ABI2: variants seen among roughly 807,000 people sequenced by gnomAD.
The protein encoded by ABI2 is abelson interactor 2.
A neutral mutation model predicts 59.2 loss-of-function variants in ABI2; 25 were observed. The observed-to-expected ratio is 0.42, with a 90% CI of 0.31 to 0.59. The LOEUF is 0.59. Ranked by LOEUF, ABI2 falls within the 20% of genes least tolerant of loss-of-function variation. The pLI, the probability that ABI2 is intolerant of heterozygous loss-of-function variation, is 0.14. For synonymous variants in ABI2, 213 were observed against 235.5 expected, an observed-to-expected ratio of 0.90 and a Z score of 0.87; for missense variants, 545 against 681.8, an observed-to-expected ratio of 0.80 and a Z score of 2.23.
chr2:203,416,413 G>A (rs1165981179), intron 10 of ABI2, among the ~76,000 whole-genome samples: 2 of 151,848 alleles, frequency 1.3e-5, no homozygotes, highest in Admixed American at 6.6e-5. Context: ...CTTGTGCCTT[G>A]GCCTCCTGAG....
At position 203,360,270 on chromosome 2, in the gene ABI2, T is replaced by A. The variant is rs1669450437; in HGVS notation, c.118-6607T>A. On this transcript the variant is annotated intron_variant, in intron 1 of 11. Coordinates refer to ENST00000261018, the MANE Select transcript of ABI2 (RefSeq NM_001375670.1). Reference sequence around the variant, plus strand: ...ATGTGGTCTATTTTATTTTAGGATTTAAAAAAACACTTTAAAATAATTTAA... The same window carrying A: ...ATGTGGTCTATTTTATTTTAGGATTAAAAAAAACACTTTAAAATAATTTAA... 2.6e-5 allele frequency among the ~76,000 whole-genome samples: 4 copies of A among 152,040 alleles called. No individual in the cohort carries two copies. The South Asian group carries it at 8.3e-4, about 32-fold the overall frequency.
chr2:203,365,344 A>T (rs2094260730), intron 1 of ABI2, among the ~76,000 whole-genome samples: 1 of 152,166 alleles, frequency 6.6e-6, no homozygotes, highest in African/African-American at 2.4e-5. Context: ...TACTGCATTA[A>T]TGTACTATAT....
At chr2:203,385,411 G>A (rs908534958) in intron 4 of ABI2, among the ~76,000 whole-genome samples, 1 of 152,042 alleles carries the variant, frequency 6.6e-6, no homozygotes, top group African/African-American at 2.4e-5. Context: ...GATTACAGGC[G>A]TGAGCCACCG....
chr2:203,427,558 C>A lies in ABI2; in HGVS notation c.*206C>A. 2.0e-6 allele frequency: 1 copy of A among 491,694 alleles called. No individual in the cohort carries two copies. Among genetic ancestry groups the A allele is most frequent in the Non-Finnish European group, 3.6e-6 (1 of 277,422 alleles). 30.5% of individuals were successfully genotyped at this position (491,694 alleles called of 1,614,324 possible). The stretch of plus-strand genomic sequence containing the variant: ...TCTTTCTGCCATCATTTGTACAATG[C>A]TGAGCTGTCTGGATTGAAATAAAAT... On this transcript the variant is annotated 3_prime_UTR_variant, in exon 12 of 12. Transcript: ENST00000261018.
chr2:203,363,082 C>T (rs968968577), intron 1 of ABI2, among the ~76,000 whole-genome samples: 2 of 152,108 alleles, frequency 1.3e-5, no homozygotes, highest in Non-Finnish European at 2.9e-5. Context: ...CCGCCTGCCT[C>T]GGCCTTGCAA....
rs75141422 is a variant in ABI2 at position 203,347,893 on chromosome 2, C to T, written c.118-18984C>T. On this transcript the variant is annotated intron_variant, in intron 1 of 11. Transcript: ENST00000261018. ...TTTTCAGAATCCTGCAGTTTCGATGCTTTCTAGATATTTAGGATTTGATCA... is the reference window on the plus strand; with the variant it reads ...TTTTCAGAATCCTGCAGTTTCGATGTTTTCTAGATATTTAGGATTTGATCA... 7.2e-3 allele frequency among the ~76,000 whole-genome samples: 1,090 copies of T among 152,178 alleles called. 7 individuals carry two copies. Among genetic ancestry groups the T allele is most frequent in the Non-Finnish European group, 0.011 (768 of 68,020 alleles).
At chr2:203,408,833 CTTTTT>C (rs1156536730) in intron 9 of ABI2, among the ~76,000 whole-genome samples, 5 of 87,204 alleles carry the variant, frequency 5.7e-5, no homozygotes, top group African/African-American at 1.1e-4. Flanking sequence ...CTTCTCCTTT[CTTTTT>C]TTTTTTTTTT....
At chr2:203,381,906 A>G (rs1038197509) in intron 3 of ABI2, among the ~76,000 whole-genome samples, 1 of 152,126 alleles carries the variant, frequency 6.6e-6, no homozygotes. Context: ...TAGCCCCTTC[A>G]TTTTTTGACT....
At chr2:203,382,050 A>T in intron 3 of ABI2, 139 bp from the exon 4 acceptor site, 1 of 655,296 alleles carries the variant, frequency 1.5e-6, no homozygotes, top group Non-Finnish European at 2.5e-6. Context: ...TCTATGATCT[A>T]CTGAAACATT....
At chr2:203,424,229 C>T (rs573566220) in intron 11 of ABI2, among the ~76,000 whole-genome samples, 2 of 152,254 alleles carry the variant, frequency 1.3e-5, no homozygotes, top group Admixed American at 1.3e-4. Context: ...TATTACACCG[C>T]TTTAGAGTTA....
intron 1 of ABI2, chr2:203,342,310 A>G (rs1356510911): frequency 4.6e-6 from 2 of 439,440 alleles, no homozygotes; most frequent in Non-Finnish European, 9.1e-6. Context: ...TTTTGAATTA[A>G]TGGAGTTGAA....
At chr2:203,418,627 T>G (rs761201228) in intron 11 of ABI2, among the ~76,000 whole-genome samples, 30 of 152,224 alleles carry the variant, frequency 2.0e-4, no homozygotes, top group Non-Finnish European at 3.5e-4. Context: ...AAAAAGAGAA[T>G]GCAAGCAAGA....
chr2:203,385,941 G>A (rs542249796), intron 4 of ABI2, among the ~76,000 whole-genome samples: 4 of 152,078 alleles, frequency 2.6e-5, no homozygotes, highest in Admixed American at 6.5e-5. Context: ...CTCTTGACTC[G>A]ATAGGCTTTT....
At chr2:203,421,716 CA>C (rs2098215451) in intron 11 of ABI2, among the ~76,000 whole-genome samples, 1 of 152,186 alleles carries the variant, frequency 6.6e-6, no homozygotes, top group East Asian at 1.9e-4. Flanking sequence ...CCTGTAATCC[CA>C]GCACTTTGGG....
At chr2:203,342,337 A>T in intron 1 of ABI2, 1 of 378,834 alleles carries the variant, frequency 2.6e-6, no homozygotes, top group Non-Finnish European at 5.2e-6. Context: ...ATAATATGGG[A>T]CTGTTTTTTT....
chr2:203,419,920 G>A (rs1427100204), intron 11 of ABI2, among the ~76,000 whole-genome samples: 4 of 152,144 alleles, frequency 2.6e-5, no homozygotes, highest in Admixed American at 6.5e-5. Context: ...CTCCAGAGGC[G>A]GAGGTTGGGG....
chr2:203,368,616 A>G (rs1345654464), intron 2 of ABI2, among the ~76,000 whole-genome samples: 1 of 152,110 alleles, frequency 6.6e-6, no homozygotes, highest in African/African-American at 2.4e-5. Context: ...ATATTACTTA[A>G]TCTGAAATCT....
intron 1 of ABI2, among the ~76,000 whole-genome samples, chr2:203,331,967 G>A (rs2073920095): frequency 6.6e-6 from 1 of 151,524 alleles, no homozygotes; most frequent in Admixed American, 6.6e-5. Flanking sequence ...GTGCCAACAC[G>A]CCCAGCTAAT....
chr2:203,402,139 AT>A (rs2097251055), intron 8 of ABI2, among the ~76,000 whole-genome samples: 1 of 152,118 alleles, frequency 6.6e-6, no homozygotes, highest in Admixed American at 6.6e-5. Context: ...AGTTCAAGTG[AT>A]TCTTACGCCT....
Sources: allele counts gnomAD v4.1 joint callset (sites outside exome capture counted in the v4.1 genomes callset), GRCh38; gene constraint gnomAD v4.1.1; transcripts MANE v1.5; gene names NCBI Gene and HGNC (gene_info 2026-07-23, HGNC 2026-07-21).